ANTXR1: variants seen among roughly 807,000 people sequenced by gnomAD.
ANTXR1 encodes the protein ANTXR cell adhesion molecule 1.
In ANTXR1, 19 loss-of-function variants were observed where a neutral mutation model predicts 78.1. The observed-to-expected ratio is 0.24, with a 90% CI of 0.17 to 0.36. The LOEUF is 0.36. Ranked by LOEUF, ANTXR1 falls within the 10% of genes least tolerant of loss-of-function variation. ANTXR1 has a pLI of 1.00. For synonymous variants in ANTXR1, 273 were observed against 260.5 expected (o/e 1.05, Z -0.46); for missense variants, 518 against 718.6 (o/e 0.72, Z 3.19).
At chr2:69,241,189 G>A (rs1675886086) in intron 17 of ANTXR1, among the ~76,000 whole-genome samples, 1 of 152,212 alleles carries the variant, frequency 6.6e-6, no homozygotes. Context: ...CCAGTGTTAT[G>A]AAGCGAGAGT....
intron 12 of ANTXR1, among the ~76,000 whole-genome samples, chr2:69,139,238 C>T (rs1229106791): frequency 6.6e-6 from 1 of 152,226 alleles, no homozygotes; most frequent in South Asian, 2.1e-4. Flanking sequence ...GGCCTTAAGG[C>T]CTAGCCCAGT....
chr2:69,203,268 G>C (rs2104488185), intron 17 of ANTXR1, among the ~76,000 whole-genome samples: 1 of 152,256 alleles, frequency 6.6e-6, no homozygotes, highest in Admixed American at 6.5e-5. Context: ...GTTCCTAGAG[G>C]GTGTGATTTA....
chr2:69,202,965 G>A (rs187089941), intron 17 of ANTXR1, among the ~76,000 whole-genome samples: 3 of 152,202 alleles, frequency 2.0e-5, no homozygotes, highest in Non-Finnish European at 4.4e-5. Flanking sequence ...CTCTTAACCT[G>A]TAGGAAAAAC....
intron 14 of ANTXR1, 39 bp downstream of exon 14, chr2:69,170,328 TG>T: frequency 6.2e-7 from 1 of 1,612,830 alleles, no homozygotes; most frequent in Non-Finnish European, 8.5e-7. Flanking sequence ...GTGGGCAGGG[TG>T]GCAGAGTAGG....
intron 10 of ANTXR1, among the ~76,000 whole-genome samples, chr2:69,113,495 C>A (rs1672053403): frequency 6.6e-6 from 1 of 152,226 alleles, no homozygotes. Context: ...CTCCTGGTGG[C>A]TCTGTCCCCC....
chr2:69,221,324 C>G (rs1053223999), intron 17 of ANTXR1, among the ~76,000 whole-genome samples: 1 of 152,122 alleles, frequency 6.6e-6, no homozygotes, highest in African/African-American at 2.4e-5. Context: ...AAGGAGATAT[C>G]AGAGTTGGGG....
intron 3 of ANTXR1, among the ~76,000 whole-genome samples, chr2:69,068,013 A>G (rs968632270): frequency 2.0e-5 from 3 of 152,194 alleles, no homozygotes; most frequent in African/African-American, 7.2e-5. Context: ...CTTGTCAATG[A>G]CCAGATCTGG....
intron 10 of ANTXR1, among the ~76,000 whole-genome samples, chr2:69,115,087 G>A (rs1672098377): frequency 6.6e-6 from 1 of 152,166 alleles, no homozygotes. Context: ...CCTGTGCATT[G>A]GAGGATGTTC....
chr2:69,216,785 G>A (rs1238323062), intron 17 of ANTXR1, among the ~76,000 whole-genome samples: 1 of 152,184 alleles, frequency 6.6e-6, no homozygotes, highest in Admixed American at 6.5e-5. Context: ...CGGGACCACT[G>A]AAGACTTCCC....
intron 13 of ANTXR1, among the ~76,000 whole-genome samples, chr2:69,160,342 C>T (rs1358235726): frequency 1.3e-5 from 2 of 152,158 alleles, no homozygotes; most frequent in East Asian, 3.9e-4. Context: ...GAGTTGTTGT[C>T]AAAGTCGACT....
rs1676007611 is a variant in ANTXR1, at chr2:69,245,714, A to G, written c.*229A>G. 1 of 565,492 alleles carries G rather than the reference A, an allele frequency of 1.8e-6. No homozygotes were observed. 35.0% of individuals were successfully genotyped at this position (565,492 alleles called of 1,614,324 possible). ...ACTACAGTCAGATTTATAGCCAGCCATCTATCACCTCTAGAAGGTTCCAGA... is the reference window on the plus strand; with the variant it reads ...ACTACAGTCAGATTTATAGCCAGCCGTCTATCACCTCTAGAAGGTTCCAGA... On this transcript the variant is annotated 3_prime_UTR_variant, in exon 18 of 18. Transcript: ENST00000303714.
intron 9 of ANTXR1, among the ~76,000 whole-genome samples, chr2:69,096,292 G>GGAAA (rs1671406819): frequency 5.8e-4 from 1 of 1,710 alleles, no homozygotes; most frequent in African/African-American, 6.2e-3. Context: ...AAGGAAGGGA[G>GGAAA]GAAGGGAGGA....
intron 2 of ANTXR1, among the ~76,000 whole-genome samples, chr2:69,044,330 C>G (rs1402723905): frequency 6.6e-6 from 1 of 152,050 alleles, no homozygotes; most frequent in Non-Finnish European, 1.5e-5. Context: ...CAAGCTGCAA[C>G]TCATCATTAG....
chr2:69,059,273 A>C (rs577264341), intron 3 of ANTXR1, among the ~76,000 whole-genome samples: 1 of 152,284 alleles, frequency 6.6e-6, no homozygotes, highest in South Asian at 2.1e-4. Flanking sequence ...GTGTGAAAGG[A>C]AGAGTGAATT....
chr2:69,127,855 GAGA>G (rs1161045061), intron 12 of ANTXR1, among the ~76,000 whole-genome samples: 2 of 152,152 alleles, frequency 1.3e-5, no homozygotes, highest in Non-Finnish European at 2.9e-5. Flanking sequence ...AAGACAGAGG[GAGA>G]AGAAGACTTA....
chr2:69,143,306 AC>A (rs1314119580), intron 12 of ANTXR1, among the ~76,000 whole-genome samples: 1 of 152,236 alleles, frequency 6.6e-6, no homozygotes, highest in Admixed American at 6.5e-5. Context: ...ATCAGGATAT[AC>A]TGATGGCACG....
intron 5 of ANTXR1, 40 bp from the exon 6 acceptor site, chr2:69,072,982 G>A (rs2104215533): frequency 6.9e-6 from 11 of 1,591,994 alleles, no homozygotes; most frequent in East Asian, 2.2e-5. Context: ...TCCTTGGGTG[G>A]AGCAGGGTGG....
intron 13 of ANTXR1, among the ~76,000 whole-genome samples, chr2:69,159,699 T>C (rs1033642461): frequency 5.9e-5 from 9 of 152,192 alleles, no homozygotes; most frequent in African/African-American, 2.2e-4. Flanking sequence ...ATTCAGAATT[T>C]TTTCCTATAT....
intron 12 of ANTXR1, among the ~76,000 whole-genome samples, chr2:69,141,115 G>T (rs11673753): frequency 0.077 from 11,669 of 152,176 alleles, 675 homozygotes; most frequent in East Asian, 0.32. Flanking sequence ...TGTGTAATCT[G>T]GGACCACCCA....
Sources: gnomAD v4.1 joint callset for allele counts (sites outside exome capture counted in the v4.1 genomes callset) on GRCh38, gnomAD v4.1.1 for gene constraint, MANE v1.5 for transcripts, NCBI Gene and HGNC (gene_info 2026-07-23, HGNC 2026-07-21) for gene names.